The following KIAA1328 variants were observed in gnomAD, a reference collection of about 807,000 sequenced individuals.
The protein encoded by KIAA1328 is KIAA1328.
A neutral mutation model predicts 68.1 loss-of-function variants in KIAA1328; 52 were observed. The ratio of observed to expected loss-of-function variants is 0.76; its 90% confidence interval spans 0.61 to 0.96. The LOEUF (loss-of-function observed/expected upper bound fraction) is 0.96, where lower values mean the gene tolerates loss of function less well. KIAA1328 is among the 40% of genes least tolerant of loss of function. The pLI is 0.00. For missense variants in KIAA1328, 641 were observed against 677.6 expected, an observed-to-expected ratio of 0.95 and a Z score of 0.60; for synonymous variants, 232 against 239.4, an observed-to-expected ratio of 0.97 and a Z score of 0.28.
At chr18:37,087,306 C>T (rs1422858140) in intron 7 of KIAA1328, among the ~76,000 whole-genome samples, 2 of 152,110 alleles carry the variant, frequency 1.3e-5, no homozygotes, top group South Asian at 2.1e-4. Flanking sequence ...GTAATCTACC[C>T]GCCTCAGCTT....
At chr18:36,842,173 G>A (rs761019902) in intron 3 of KIAA1328, among the ~76,000 whole-genome samples, 10 of 151,992 alleles carry the variant, frequency 6.6e-5, no homozygotes, top group African/African-American at 1.9e-4. Flanking sequence ...AGAATAAGTC[G>A]GAATTATTGA....
At chr18:37,104,014 A>G (rs947738831) in intron 7 of KIAA1328, among the ~76,000 whole-genome samples, 2 of 152,216 alleles carry the variant, frequency 1.3e-5, no homozygotes, top group Non-Finnish European at 2.9e-5. Context: ...AAGACAAGAC[A>G]TAACAAATGT....
intron 7 of KIAA1328, among the ~76,000 whole-genome samples, chr18:37,134,048 C>G (rs1297570559): frequency 6.6e-6 from 1 of 151,368 alleles, no homozygotes; most frequent in Non-Finnish European, 1.5e-5. Context: ...GAGTCTTGCT[C>G]CATAGCCCAG....
chr18:37,222,060 A>G lies in KIAA1328; in HGVS notation c.1567A>G (p.Asn523Asp), dbSNP rs754138089. Residue 523 changes from asparagine to aspartate, a missense_variant, in exon 10 of 10, where the codon AAC becomes GAC. Coordinates refer to ENST00000280020, the MANE Select transcript of KIAA1328 (RefSeq NM_020776.3). ...GGATTTGGTTCAGTCTCTGAGCCCA[A>G]ACTCTGCGCCCAAACCTCAGCGCTA... ...LLDLVQSLSPNSAPKPQRYPS... is the reference protein window; with the variant it reads ...LLDLVQSLSPDSAPKPQRYPS... 15 of 1,613,646 alleles carry G rather than the reference A, an allele frequency of 9.3e-6. No homozygotes were observed. In the South Asian group the frequency reaches 1.6e-4, roughly 18 times the overall value.
intron 6 of KIAA1328, among the ~76,000 whole-genome samples, chr18:37,029,380 C>T (rs900405769): frequency 6.6e-5 from 10 of 151,684 alleles, no homozygotes; most frequent in African/African-American, 2.4e-4. Flanking sequence ...TCTGATTGTA[C>T]TTATTATTAT....
downstream of KIAA1328, among the ~76,000 whole-genome samples, chr18:37,229,266 C>A (rs952604403): frequency 6.6e-6 from 1 of 152,134 alleles, no homozygotes; most frequent in Non-Finnish European, 1.5e-5. Flanking sequence ...TGTGCCACAC[C>A]CTTGGCTGGG....
chr18:37,155,695 A>G (rs994358535), intron 7 of KIAA1328, among the ~76,000 whole-genome samples: 9 of 152,110 alleles, frequency 5.9e-5, no homozygotes, highest in Non-Finnish European at 1.2e-4. Context: ...CAGTGACTCC[A>G]CCTTGGCCAC....
In KIAA1328 at chr18:37,124,082, G is replaced by A. The variant is rs544491358; in HGVS notation, c.1233-36118G>A. On this transcript the variant is annotated intron_variant, in intron 7 of 9. Transcript: ENST00000280020. ...AGTTCTAAAATGATTTATGATCTGA[G>A]AAGGCATATTGAACACATATGGTTA... 1.3e-4 allele frequency among the ~76,000 whole-genome samples: 20 copies of A among 152,252 alleles called. No individual in the cohort carries two copies. The South Asian group carries it at 3.7e-3, about 28-fold the overall frequency.
At chr18:37,221,788 G>A (rs1342679153) in intron 9 of KIAA1328, among the ~76,000 whole-genome samples, 1 of 152,126 alleles carries the variant, frequency 6.6e-6, no homozygotes, top group African/African-American at 2.4e-5. Context: ...AAGTTATAAA[G>A]GAATGTTAGG....
chr18:36,848,540 G>GTTTTT (rs1255836938), intron 4 of KIAA1328, among the ~76,000 whole-genome samples: 3 of 53,324 alleles, frequency 5.6e-5, no homozygotes, highest in African/African-American at 4.6e-4. Flanking sequence ...ATCTATAGAT[G>GTTTTT]CTTTTTTTTT....
chr18:37,069,937 C>G (rs1268947636), intron 7 of KIAA1328, among the ~76,000 whole-genome samples: 5 of 151,884 alleles, frequency 3.3e-5, no homozygotes, highest in Non-Finnish European at 5.9e-5. Flanking sequence ...GACTTTTTCA[C>G]TTTTCTACTG....
chr18:37,064,580 C>A (rs560730447), intron 6 of KIAA1328, among the ~76,000 whole-genome samples: 3 of 135,028 alleles, frequency 2.2e-5, no homozygotes, highest in Non-Finnish European at 3.1e-5. Context: ...CCGAATGTCA[C>A]GTTATGTGTC....
chr18:37,086,087 G>A (rs1568385776), intron 7 of KIAA1328, among the ~76,000 whole-genome samples: 1 of 152,154 alleles, frequency 6.6e-6, no homozygotes, highest in Non-Finnish European at 1.5e-5. Context: ...AGGGCCTGGG[G>A]GGTTGGGGGC....
At chr18:36,910,443 A>G (rs1388857860) in intron 5 of KIAA1328, among the ~76,000 whole-genome samples, 1 of 151,744 alleles carries the variant, frequency 6.6e-6, no homozygotes. Flanking sequence ...GATGTGTGGT[A>G]TTATTTCTGA....
intron 9 of KIAA1328, among the ~76,000 whole-genome samples, chr18:37,174,234 C>T (rs1240693813): frequency 6.6e-6 from 1 of 152,150 alleles, no homozygotes. Flanking sequence ...TAACAACAGG[C>T]AAAGCCAGCA....
chr18:36,833,667 A>AT (rs2150760066), intron 1 of KIAA1328, among the ~76,000 whole-genome samples: 2 of 152,332 alleles, frequency 1.3e-5, no homozygotes, highest in South Asian at 4.1e-4. Context: ...GGAGAGGAAA[A>AT]GTTGAGTTGG....
chr18:36,944,660 A>G (rs1369266421), intron 5 of KIAA1328, among the ~76,000 whole-genome samples: 2 of 152,176 alleles, frequency 1.3e-5, no homozygotes, highest in African/African-American at 4.8e-5. Context: ...TGTCCATTTA[A>G]TGATGGGTAA....
At chr18:37,173,972 C>G (rs1444642132) in intron 9 of KIAA1328, among the ~76,000 whole-genome samples, 1 of 152,184 alleles carries the variant, frequency 6.6e-6, no homozygotes, top group East Asian at 1.9e-4. Flanking sequence ...CTCTTTTTGT[C>G]ATTCCTTTAA....
chr18:36,968,372 C>A (rs114400511), intron 6 of KIAA1328, among the ~76,000 whole-genome samples: 3,216 of 152,068 alleles, frequency 0.021, 123 homozygotes, highest in African/African-American at 0.074. Flanking sequence ...TTCAAGAGAC[C>A]CATGTCATGT....
Sources: gnomAD v4.1 joint callset for allele counts (sites outside exome capture counted in the v4.1 genomes callset) on GRCh38, gnomAD v4.1.1 for gene constraint, MANE v1.5 for transcripts, NCBI Gene and HGNC (gene_info 2026-07-23, HGNC 2026-07-21) for gene names.